KIF4A: variants seen among roughly 807,000 people sequenced by gnomAD.
KIF4A encodes the protein kinesin family member 4A, also known as chromosome-associated kinesin KIF4A.
KIF4A carries 7 observed loss-of-function variants against 105.9 expected under a neutral mutation model. That is an observed-to-expected ratio of 0.07 (90% confidence interval 0.04 to 0.12). The LOEUF is 0.12. Among genes scored for constraint, KIF4A ranks in the 10% least tolerant of loss-of-function variants. The pLI is 1.00. For synonymous variants in KIF4A, 281 were observed against 331.3 expected, an observed-to-expected ratio of 0.85 and a Z score of 1.65; for missense variants, 558 against 929.2, an observed-to-expected ratio of 0.60 and a Z score of 5.19.
intron 16 of KIF4A, among the ~76,000 whole-genome samples, chrX:70,374,776 T>C (rs2086168402): frequency 8.9e-6 from 1 of 112,205 alleles, no homozygotes; most frequent in South Asian, 3.7e-4. Context: ...CTCTGCCGTA[T>C]GGGCTATCCT....
At chrX:70,372,127 G>A (rs1298554392) in intron 15 of KIF4A, among the ~76,000 whole-genome samples, 2 of 103,277 alleles carry the variant, frequency 1.9e-5, no homozygotes, top group African/African-American at 7.2e-5. Context: ...AGATGGGATG[G>A]CGGCCGGCAG....
chrX:70,370,084 C>T (rs932804661), intron 15 of KIF4A, among the ~76,000 whole-genome samples: 4 of 111,230 alleles, frequency 3.6e-5, no homozygotes, highest in African/African-American at 1.3e-4. Flanking sequence ...AGCCTAGGAG[C>T]AATAGGCTAT....
chrX:70,377,764 C>T (rs1402403834), intron 18 of KIF4A, among the ~76,000 whole-genome samples: 2 of 111,551 alleles, frequency 1.8e-5, no homozygotes, highest in Admixed American at 9.5e-5. Context: ...GATGAAACAC[C>T]GTGTCTATTA....
chrX:70,367,653 A>T (rs1395682283), intron 15 of KIF4A, among the ~76,000 whole-genome samples: 1 of 111,744 alleles, frequency 8.9e-6, no homozygotes, highest in Non-Finnish European at 1.9e-5. Flanking sequence ...TTTGTGGGTA[A>T]CCCGACCTTT....
At chrX:70,402,848 G>A (rs768811672) in intron 23 of KIF4A, among the ~76,000 whole-genome samples, 153 bp downstream of exon 23, 8 of 112,315 alleles carry the variant, frequency 7.1e-5, no homozygotes, top group African/African-American at 9.7e-5. Context: ...AAAGGTTGGT[G>A]TAAGCAAGTA....
intron 28 of KIF4A, chrX:70,415,276 T>C: frequency 4.1e-6 from 1 of 244,902 alleles, no homozygotes; most frequent in Non-Finnish European, 7.6e-6. Flanking sequence ...TTTAGAAACG[T>C]GTAAGACAAT....
chrX:70,323,136 G>A (rs756039172), intron 7 of KIF4A, among the ~76,000 whole-genome samples: 1 of 110,633 alleles, frequency 9.0e-6, no homozygotes, highest in Non-Finnish European at 1.9e-5. Flanking sequence ...TTCTCTCTGC[G>A]AAATTGCCTT....
At chrX:70,372,150 C>A (rs1250621952) in intron 15 of KIF4A, among the ~76,000 whole-genome samples, 1 of 106,367 alleles carries the variant, frequency 9.4e-6, no homozygotes, top group Admixed American at 9.9e-5. Context: ...ACGCTCCTCA[C>A]TTTCCAGACT....
chrX:70,317,812 G>A (rs2085875434), intron 7 of KIF4A, among the ~76,000 whole-genome samples: 2 of 110,217 alleles, frequency 1.8e-5, no homozygotes, highest in South Asian at 7.8e-4. Flanking sequence ...CCAAAGTGTT[G>A]GAATTACAGG....
intron 15 of KIF4A, among the ~76,000 whole-genome samples, chrX:70,354,977 G>A (rs2086045269): frequency 9.0e-6 from 1 of 111,706 alleles, no homozygotes. Context: ...GGAACTGGGG[G>A]TTTAAGATTC....
chrX:70,365,683 G>C (rs1602776749), intron 15 of KIF4A, among the ~76,000 whole-genome samples: 1 of 111,259 alleles, frequency 9.0e-6, no homozygotes, highest in Middle Eastern at 4.7e-3. Context: ...ATGTTCATCA[G>C]GGATATTGGT....
chrX:70,352,067 A>G (rs2086033222), intron 13 of KIF4A, among the ~76,000 whole-genome samples: 1 of 112,053 alleles, frequency 8.9e-6, no homozygotes, highest in Non-Finnish European at 1.9e-5. Flanking sequence ...CTAGGCATTT[A>G]TTTCTTTATA....
At chrX:70,350,735 T>G (rs1285250200) in intron 13 of KIF4A, among the ~76,000 whole-genome samples, 1 of 111,975 alleles carries the variant, frequency 8.9e-6, no homozygotes, top group African/African-American at 3.2e-5. Context: ...TTAAAGGTAC[T>G]AAAAGTTAAG....
chrX:70,354,053 A>G (rs1014056327), intron 15 of KIF4A, among the ~76,000 whole-genome samples: 19 of 112,588 alleles, frequency 1.7e-4, no homozygotes, highest in Non-Finnish European at 5.6e-5. Flanking sequence ...TAACATTATA[A>G]TAAATGTGGT....
At position 70,365,308 on chromosome X, in the gene KIF4A, C is replaced by T. The variant is rs1370584423; in HGVS notation, c.1675-8843C>T. ...AATAGGAGTGGTGAGAGAGGGCATC[C>T]CTGTCTTGTGCCAGTTTTCAAAGGG... On this transcript the variant is annotated intron_variant, in intron 15 of 30. Coordinates refer to ENST00000374403, the MANE Select transcript of KIF4A (RefSeq NM_012310.5). Among the ~76,000 whole-genome samples the T allele has an allele frequency of 4.5e-5, 5 of 111,557 alleles. No homozygotes were observed. The East Asian group carries it at 1.4e-3, about 31-fold the overall frequency.
intron 28 of KIF4A, among the ~76,000 whole-genome samples, chrX:70,412,768 C>T (rs763951316): frequency 1.8e-5 from 2 of 110,199 alleles, no homozygotes; most frequent in African/African-American, 6.6e-5. Flanking sequence ...ACTAGAAATA[C>T]AAAAGATTAG....
At chrX:70,340,542 AGAAATAAC>A (rs199738803) in intron 10 of KIF4A, among the ~76,000 whole-genome samples, 1,830 of 112,441 alleles carry the variant, frequency 0.016, 37 homozygotes, top group African/African-American at 0.055. Context: ...AGTTTAATAA[AGAAATAAC>A]GAAATAACAC....
chrX:70,371,577 C>T (rs1473271777), intron 15 of KIF4A, among the ~76,000 whole-genome samples: 3 of 107,566 alleles, frequency 2.8e-5, no homozygotes, highest in South Asian at 4.3e-4. Flanking sequence ...CCTTACCTCC[C>T]GGACGGGGCA....
At chrX:70,376,871 T>G (rs183765910) in intron 18 of KIF4A, among the ~76,000 whole-genome samples, 1 of 111,810 alleles carries the variant, frequency 8.9e-6, no homozygotes, top group East Asian at 2.8e-4. Flanking sequence ...TATCTGGGAA[T>G]AATGTATAGA....
Sources: gnomAD v4.1 joint callset for allele counts (sites outside exome capture counted in the v4.1 genomes callset) on GRCh38, gnomAD v4.1.1 for gene constraint, MANE v1.5 for transcripts, NCBI Gene and HGNC (gene_info 2026-07-23, HGNC 2026-07-21) for gene names.